The following NRXN1 variants were observed in gnomAD, a reference collection of about 807,000 sequenced individuals.
NRXN1 encodes neurexin-1.
A neutral mutation model predicts 150.9 loss-of-function variants in NRXN1; 39 were observed. The ratio of observed to expected loss-of-function variants is 0.26; its 90% CI spans 0.20 to 0.34. The LOEUF is 0.34. Ranked by LOEUF, NRXN1 falls within the 10% of genes least tolerant of loss-of-function variation. NRXN1 has a pLI of 1.00. For missense variants in NRXN1, 1,815 were observed against 1,949.9 expected (o/e 0.93, Z 1.30); for synonymous variants, 924 against 757.0 (o/e 1.22, Z -3.62).
rs139442280 is a variant in NRXN1, at chr2:50,946,781, A to G, written c.773-20826T>C. 3.4e-3 allele frequency among the ~76,000 whole-genome samples: 519 copies of G among 152,332 alleles called. 3 individuals are homozygous for G. Among genetic ancestry groups the G allele is most frequent in the African/African-American group, 0.012 (479 of 41,582 alleles). ...ATATTTCTGATTTAAACTTTAAAAA[A>G]TCACAGACAGGTATCTACTGGAGCA... On this transcript the variant is annotated intron_variant, in intron 2 of 22. Transcript: ENST00000401669.
At chr2:50,674,096 A>AT (rs1689222178) in intron 5 of NRXN1, among the ~76,000 whole-genome samples, 1 of 152,054 alleles carries the variant, frequency 6.6e-6, no homozygotes, top group African/African-American at 2.4e-5. Context: ...TTAAAGTATA[A>AT]TAAAAAAAAG....
rs143537672 is a variant in NRXN1, at chr2:50,591,790, G to A, written c.1320+28232C>T. Among the ~76,000 whole-genome samples, 859 of 152,290 alleles carry A rather than the reference G, an allele frequency of 5.6e-3. 3 individuals carry two copies. The highest frequency in any genetic ancestry group is 8.5e-3 in the Non-Finnish European group (579 of 68,024). On this transcript the variant is annotated intron_variant, in intron 8 of 22. Coordinates refer to ENST00000401669, the MANE Select transcript of NRXN1 (RefSeq NM_001330078.2). Reference sequence around the variant, plus strand: ...CTGCCAAAGCCGAGCAGGGAAATGCGCCCCAGTGTGCATGCTAAATACAAG... The same window carrying A: ...CTGCCAAAGCCGAGCAGGGAAATGCACCCCAGTGTGCATGCTAAATACAAG...
intron 21 of NRXN1, among the ~76,000 whole-genome samples, chr2:49,955,756 TA>T: frequency 6.6e-6 from 1 of 152,106 alleles, no homozygotes; most frequent in East Asian, 1.9e-4. Flanking sequence ...CTTCAAAATC[TA>T]ACTACAGGAT....
intron 5 of NRXN1, among the ~76,000 whole-genome samples, chr2:50,748,173 C>T (rs1207903990): frequency 6.6e-6 from 1 of 152,152 alleles, no homozygotes; most frequent in Admixed American, 6.5e-5. Flanking sequence ...ATAACCCAAC[C>T]AAGACTGCTG....
chr2:50,362,914 T>C (rs550729114), intron 17 of NRXN1, among the ~76,000 whole-genome samples: 150 of 152,116 alleles, frequency 9.9e-4, no homozygotes, highest in Non-Finnish European at 1.4e-3. Context: ...TGGAATAGAA[T>C]AGAGGCCTCA....
At chr2:49,925,409 C>T (rs984459563) in intron 22 of NRXN1, among the ~76,000 whole-genome samples, 33 of 151,688 alleles carry the variant, frequency 2.2e-4, no homozygotes, top group African/African-American at 7.5e-4. Context: ...CTCTTATTGT[C>T]GCTAATGCTT....
intron 17 of NRXN1, among the ~76,000 whole-genome samples, chr2:50,257,469 C>A (rs759350552): frequency 6.6e-6 from 1 of 152,020 alleles, no homozygotes; most frequent in African/African-American, 2.4e-5. Context: ...CTTTCTCCAC[C>A]TTTTGAGATT....
rs887288106 is a variant in NRXN1, at chr2:50,236,903, T to C, written c.3432A>G (p.Arg1144=). 1 of 1,613,222 alleles carries C rather than the reference T, an allele frequency of 6.2e-7. No individual in the cohort carries two copies. Among genetic ancestry groups the C allele is most frequent in the African/African-American group, 1.3e-5 (1 of 74,840 alleles). The part of the protein sequence containing the change: ...QITYKWPPND[R]PSTRADRLAI... ...CCAGTCTGTCTGCTCGTGTACTGGG[T>C]CGGTCATTAGGAGGCCACTTATACG... Residue 1144 remains arginine (R), a synonymous_variant, in exon 18 of 23, where the codon CGA becomes CGG. Coordinates refer to ENST00000401669, the MANE Select transcript of NRXN1 (RefSeq NM_001330078.2).
In NRXN1 at chr2:50,132,306, C is replaced by CTT. The variant is rs71401059; in HGVS notation, c.3547-40814_3547-40813dup. Among the ~76,000 whole-genome samples the CTT allele has an allele frequency of 1.3e-3, 185 of 139,374 alleles. 7 individuals carry two copies. Among genetic ancestry groups the CTT allele is most frequent in the Middle Eastern group, 3.8e-3 (1 of 260 alleles). 91.4% of individuals were successfully genotyped at this position (139,374 alleles called of 152,430 possible). ...ATGCGATAGTTTATGTCCCAAAACT[C>CTT]TTTTTTTTTTTTTTTTTAAGATGGA... On this transcript the variant is annotated intron_variant, in intron 18 of 22. Transcript: ENST00000401669.
chr2:50,711,458 C>T (rs955262494), intron 5 of NRXN1, among the ~76,000 whole-genome samples: 6 of 151,570 alleles, frequency 4.0e-5, no homozygotes, highest in Non-Finnish European at 8.8e-5. Context: ...GTCTCAGCCT[C>T]CTGAGTAGCT....
intron 2 of NRXN1, among the ~76,000 whole-genome samples, chr2:50,974,746 G>C (rs1368993726): frequency 6.6e-6 from 1 of 151,870 alleles, no homozygotes; most frequent in African/African-American, 2.4e-5. Flanking sequence ...ATTGCAATTT[G>C]AGAATGTAAA....
intron 18 of NRXN1, among the ~76,000 whole-genome samples, chr2:50,144,704 T>C (rs944891542): frequency 1.3e-5 from 2 of 151,762 alleles, no homozygotes; most frequent in African/African-American, 4.8e-5. Context: ...AAAACAGGGC[T>C]GTAAGAAAGA....
At chr2:50,704,830 T>C (rs1694211494) in intron 5 of NRXN1, among the ~76,000 whole-genome samples, 1 of 151,844 alleles carries the variant, frequency 6.6e-6, no homozygotes, top group Non-Finnish European at 1.5e-5. Context: ...ATGTAGCATA[T>C]TAATAATATA....
rs538141705 is a variant in NRXN1, at chr2:50,164,445, T to A, written c.3546+72344A>T. On this transcript the variant is annotated intron_variant, in intron 18 of 22. Transcript: ENST00000401669. ...AATATGGGAGGTCATGCTTTTCTCTTTTCATTAAAAAGTTATCTAAAATGA... is the reference window on the plus strand; with the variant it reads ...AATATGGGAGGTCATGCTTTTCTCTATTCATTAAAAAGTTATCTAAAATGA... Among the ~76,000 whole-genome samples, 12 of 152,310 alleles carry A rather than the reference T, an allele frequency of 7.9e-5. No individual in the cohort carries two copies. The East Asian group carries it at 1.9e-3, about 25-fold the overall frequency.
chr2:50,752,216 T>A (rs1228254591), intron 5 of NRXN1, among the ~76,000 whole-genome samples: 1 of 151,968 alleles, frequency 6.6e-6, no homozygotes, highest in Non-Finnish European at 1.5e-5. Context: ...AAAAAAAAAT[T>A]CTTTGGCCTG....
At chr2:50,495,590 A>G (rs1402345695) in intron 15 of NRXN1, among the ~76,000 whole-genome samples, 1 of 152,044 alleles carries the variant, frequency 6.6e-6, no homozygotes, top group Non-Finnish European at 1.5e-5. Flanking sequence ...TCAATTGAAA[A>G]CTGTTGGGAC....
intron 21 of NRXN1, among the ~76,000 whole-genome samples, chr2:50,033,369 A>G (rs1300208288): frequency 6.6e-6 from 1 of 152,124 alleles, no homozygotes; most frequent in Non-Finnish European, 1.5e-5. Context: ...AAAAATAAGC[A>G]AAGAGGAAAG....
chr2:50,661,181 C>G (rs1343234631), intron 5 of NRXN1, among the ~76,000 whole-genome samples: 2 of 152,014 alleles, frequency 1.3e-5, no homozygotes, highest in Non-Finnish European at 2.9e-5. Context: ...TAGCTTCTCA[C>G]AGCAAATGGT....
intron 17 of NRXN1, among the ~76,000 whole-genome samples, chr2:50,339,690 TC>T (rs1441680380): frequency 6.6e-6 from 1 of 152,162 alleles, no homozygotes; most frequent in African/African-American, 2.4e-5. Flanking sequence ...TAAATAACAT[TC>T]CTTATCACTA....
Sources: allele counts gnomAD v4.1 joint callset (sites outside exome capture counted in the v4.1 genomes callset), GRCh38; gene constraint gnomAD v4.1.1; transcripts MANE v1.5; gene names NCBI Gene and HGNC (gene_info 2026-07-23, HGNC 2026-07-21).